Variants in ABAT observed in about 807,000 individuals in gnomAD.
ABAT encodes 4-aminobutyrate aminotransferase.
Under a neutral mutation model 64.6 loss-of-function variants are expected in ABAT, and 45 were observed. The observed-to-expected ratio is 0.70, with a 90% CI of 0.55 to 0.89. ABAT has a LOEUF of 0.89. Among genes scored for constraint, ABAT ranks in the 40% least tolerant of loss-of-function variants. The pLI, the probability that ABAT is intolerant of heterozygous loss-of-function variation, is 0.00. For missense variants in ABAT, 633 were observed against 658.4 expected (o/e 0.96, Z 0.42); for synonymous variants, 297 against 250.5 (o/e 1.19, Z -1.75).
At chr16:8,684,665 C>A (rs544587843) in intron 1 of ABAT, among the ~76,000 whole-genome samples, 1 of 149,532 alleles carries the variant, frequency 6.7e-6, no homozygotes, top group African/African-American at 2.5e-5. Context: ...CCAGGCTGCA[C>A]TGAGCCATAA....
In ABAT at chr16:8,674,882, C is replaced by G. The variant is rs552302766; in HGVS notation, c.-42+171C>G. Among the ~76,000 whole-genome samples the G allele has an allele frequency of 1.2e-3, 184 of 152,244 alleles. 2 individuals are homozygous for G. Among genetic ancestry groups the G allele is most frequent in the Non-Finnish European group, 3.1e-4 (21 of 67,994 alleles). ...CCGAAAAGACAGGGGCTCCCACCCC[C>G]CAGAGAGCAAAATACCTTCCTTTCT... On this transcript the variant is annotated intron_variant, in intron 1 of 15. Coordinates refer to ENST00000268251, the MANE Select transcript of ABAT (RefSeq NM_020686.6).
intron 1 of ABAT, among the ~76,000 whole-genome samples, chr16:8,703,447 G>A (rs911548306): frequency 1.3e-5 from 2 of 151,558 alleles, no homozygotes; most frequent in African/African-American, 4.9e-5. Flanking sequence ...CAGACAGAGT[G>A]AGACTCTGTC....
chr16:8,761,215 T>C (rs11074695), intron 6 of ABAT, among the ~76,000 whole-genome samples: 86,198 of 141,140 alleles, frequency 0.61, 30,448 homozygotes, highest in East Asian at 0.81. Flanking sequence ...CACCTCTCTC[T>C]GCCCTCTCAC....
intron 5 of ABAT, among the ~76,000 whole-genome samples, chr16:8,753,092 C>CT (rs768032745): frequency 0.091 from 11,583 of 127,538 alleles, 703 homozygotes; most frequent in East Asian, 0.25. Flanking sequence ...CAAGCTTATT[C>CT]TTTTTTTTTT....
At chr16:8,735,937 C>A in intron 2 of ABAT, 128 bp downstream of exon 2, 1 of 764,322 alleles carries the variant, frequency 1.3e-6, no homozygotes, top group Non-Finnish European at 2.2e-6. Flanking sequence ...GACTGTCCCA[C>A]TGTATTAGTC....
intron 1 of ABAT, among the ~76,000 whole-genome samples, chr16:8,683,837 A>C (rs897018744): frequency 7.3e-5 from 11 of 150,188 alleles, no homozygotes; most frequent in Non-Finnish European, 1.3e-4. Context: ...GCTTATCTGG[A>C]GTGGACAGAC....
intron 9 of ABAT, among the ~76,000 whole-genome samples, chr16:8,766,734 C>T (rs374537838): frequency 2.6e-5 from 4 of 151,994 alleles, no homozygotes; most frequent in Non-Finnish European, 5.9e-5. Context: ...TTTGGGAGGC[C>T]GAGGCGGGTG....
chr16:8,709,472 C>G (rs941162877), intron 1 of ABAT, among the ~76,000 whole-genome samples: 5 of 152,088 alleles, frequency 3.3e-5, no homozygotes, highest in Non-Finnish European at 7.3e-5. Flanking sequence ...CTCCTGGGTT[C>G]AAGCGATTCT....
intron 2 of ABAT, among the ~76,000 whole-genome samples, chr16:8,739,469 A>C (rs1249491732): frequency 6.6e-6 from 1 of 152,178 alleles, no homozygotes; most frequent in Non-Finnish European, 1.5e-5. Flanking sequence ...TGTAATACCA[A>C]CACTTTGGGA....
chr16:8,781,251 T>C lies in ABAT; in HGVS notation c.1382-58T>C. Reference sequence around the variant, plus strand: ...CAACAGGCATCACTTTCCCCCCAGCTCTCCCAGCATGTGACTTTGAGAAAC... The same window carrying C: ...CAACAGGCATCACTTTCCCCCCAGCCCTCCCAGCATGTGACTTTGAGAAAC... On this transcript the variant is annotated intron_variant, in intron 15 of 15. Transcript: ENST00000268251. The surrounding 1 kb of genome is among the most constrained non-coding windows in gnomAD (Gnocchi z 4.5). The C allele has an allele frequency of 1.9e-6, 3 of 1,612,622 alleles. No individual in the cohort carries two copies. The highest frequency in any genetic ancestry group is 2.5e-6 in the Non-Finnish European group (3 of 1,179,596).
At chr16:8,723,833 T>TAA (rs2058454091) in intron 1 of ABAT, among the ~76,000 whole-genome samples, 1 of 51,698 alleles carries the variant, frequency 1.9e-5, no homozygotes, top group African/African-American at 6.8e-5. Flanking sequence ...ATATATTTTT[T>TAA]TTTTTTTTTT....
At chr16:8,777,595 T>C (rs1279686516) in intron 14 of ABAT, among the ~76,000 whole-genome samples, 2 of 152,134 alleles carry the variant, frequency 1.3e-5, no homozygotes, top group Admixed American at 6.5e-5. Context: ...TGTGTGAGTG[T>C]GGCAGGCAGG....
intron 1 of ABAT, among the ~76,000 whole-genome samples, chr16:8,732,393 G>T (rs2058753635): frequency 6.6e-6 from 1 of 150,380 alleles, no homozygotes; most frequent in African/African-American, 2.5e-5. Context: ...TGTGTCCCTG[G>T]GTACTTGAGA....
intron 1 of ABAT, among the ~76,000 whole-genome samples, chr16:8,723,502 T>A (rs1403917712): frequency 6.6e-6 from 1 of 152,122 alleles, no homozygotes; most frequent in Non-Finnish European, 1.5e-5. Context: ...GGGGCCTCTT[T>A]CCTTGGCAAC....
At chr16:8,703,675 A>G (rs1455418734) in intron 1 of ABAT, among the ~76,000 whole-genome samples, 2 of 152,196 alleles carry the variant, frequency 1.3e-5, no homozygotes, top group Admixed American at 1.3e-4. Context: ...TTCTCTAAAA[A>G]CTGAACTCTG....
chr16:8,781,250 C>G lies in ABAT; in HGVS notation c.1382-59C>G. The G allele has an allele frequency of 6.2e-7, 1 of 1,612,460 alleles. No individual in the cohort carries two copies. The highest frequency in any genetic ancestry group is 8.5e-7 in the Non-Finnish European group (1 of 1,179,420). ...CCAACAGGCATCACTTTCCCCCCAG[C>G]TCTCCCAGCATGTGACTTTGAGAAA... On this transcript the variant is annotated intron_variant, in intron 15 of 15. Coordinates refer to ENST00000268251, the MANE Select transcript of ABAT (RefSeq NM_020686.6). The surrounding 1 kb of genome is among the most constrained non-coding windows in gnomAD (Gnocchi z 4.5).
chr16:8,759,265 C>T (rs1385955871), intron 6 of ABAT, among the ~76,000 whole-genome samples: 4 of 151,906 alleles, frequency 2.6e-5, no homozygotes, highest in Non-Finnish European at 5.9e-5. Flanking sequence ...CATTATTTTC[C>T]TAGTTGTTCC....
intron 1 of ABAT, among the ~76,000 whole-genome samples, chr16:8,682,044 G>A (rs1204694549): frequency 1.3e-5 from 2 of 152,070 alleles, no homozygotes; most frequent in Non-Finnish European, 2.9e-5. Context: ...CTTCCTCCAC[G>A]TTGTGACAGC....
chr16:8,717,933 A>G (rs1567282831), intron 1 of ABAT, among the ~76,000 whole-genome samples: 1 of 151,878 alleles, frequency 6.6e-6, no homozygotes, highest in Non-Finnish European at 1.5e-5. Context: ...GGGATTACAC[A>G]TCAGGTCCCA....
Sources: gnomAD v4.1 joint callset for allele counts (sites outside exome capture counted in the v4.1 genomes callset) on GRCh38, gnomAD v4.1.1 for gene constraint, Gnocchi (gnomAD v3.1) non-coding constraint, MANE v1.5 for transcripts, NCBI Gene and HGNC (gene_info 2026-07-23, HGNC 2026-07-21) for gene names.